The following VMP1 variants were observed in gnomAD, a reference collection of about 807,000 sequenced individuals.
VMP1 encodes the protein ectopic P-granules autophagy protein 3 homolog.
A neutral mutation model predicts 56.0 loss-of-function variants in VMP1; 11 were observed. The ratio of observed to expected loss-of-function variants is 0.20; its 90% CI spans 0.12 to 0.32. The LOEUF is 0.32. VMP1 is among the 10% of genes least tolerant of loss of function. The pLI is 1.00. For missense variants in VMP1, 296 were observed against 490.3 expected (o/e 0.60, Z 3.74); for synonymous variants, 149 against 165.0 (o/e 0.90, Z 0.74).
rs549474361 is a variant in VMP1 at position 59,790,516 on chromosome 17, G to A, written c.714+16631G>A. Among the ~76,000 whole-genome samples, 7 of 152,190 alleles carry A rather than the reference G, an allele frequency of 4.6e-5. No homozygotes were observed. The East Asian group carries it at 7.7e-4, about 17-fold the overall frequency. ...CTGAAGGTATAAAGTTTGGCCAGGC[G>A]TGGTGGCTCATGCCTGTAATTCCAG... On this transcript the variant is annotated intron_variant, in intron 7 of 11. Coordinates refer to ENST00000262291, the MANE Select transcript of VMP1 (RefSeq NM_030938.5).
chr17:59,737,632 G>A, intron 4 of VMP1, 89 bp downstream of exon 4: 1 of 1,145,954 alleles, frequency 8.7e-7, no homozygotes, highest in East Asian at 2.6e-5. Context: ...GGGTTTTATA[G>A]AATTTCTACC....
At chr17:59,825,730 G>A (rs1272382540) in intron 10 of VMP1, among the ~76,000 whole-genome samples, 2 of 152,238 alleles carry the variant, frequency 1.3e-5, no homozygotes, top group Non-Finnish European at 2.9e-5. Flanking sequence ...CTTTTTACCA[G>A]ATACAGAATG....
chr17:59,751,083 C>T (rs917209559), intron 5 of VMP1, among the ~76,000 whole-genome samples: 6 of 151,966 alleles, frequency 3.9e-5, no homozygotes, highest in African/African-American at 1.2e-4. Flanking sequence ...CAGGCGCCCA[C>T]CACCATGCCT....
At chr17:59,774,407 C>G (rs574407203) in intron 7 of VMP1, among the ~76,000 whole-genome samples, 2 of 108,630 alleles carry the variant, frequency 1.8e-5, no homozygotes, top group South Asian at 4.6e-4. Context: ...AACAGGCCCT[C>G]TCTCTAAAAA....
Position 59,735,373 on chromosome 17 carries a change from C to A in VMP1, c.112C>A (p.Arg38=). 1 of 1,613,956 alleles carries A rather than the reference C, an allele frequency of 6.2e-7. No homozygotes were observed. The highest frequency in any genetic ancestry group is 1.1e-5 in the South Asian group (1 of 91,072). Residue 38 remains arginine (R), a synonymous_variant, in exon 3 of 12, where the codon CGG becomes AGG. Transcript: ENST00000262291. ...SSVNEKKRRE[R]EERQNIVLWR... ...AGTGAATGAAAAGAAGAGGAGGGAGCGGGAAGAAAGGCAGAATATTGTCCT... is the reference window on the plus strand; with the variant it reads ...AGTGAATGAAAAGAAGAGGAGGGAGAGGGAAGAAAGGCAGAATATTGTCCT...
chr17:59,737,408 G>T, intron 3 of VMP1, 45 bp from the exon 4 acceptor site: 1 of 1,569,608 alleles, frequency 6.4e-7, no homozygotes, highest in East Asian at 2.3e-5. Context: ...GATGAATGCT[G>T]AAAGTGAGAC....
At chr17:59,793,868 G>A (rs1037256835) in intron 7 of VMP1, among the ~76,000 whole-genome samples, 7 of 151,218 alleles carry the variant, frequency 4.6e-5, no homozygotes, top group African/African-American at 1.2e-4. Flanking sequence ...CTCGTGATCC[G>A]CCTGCCTCGG....
At chr17:59,806,042 A>G (rs533432070) in intron 7 of VMP1, among the ~76,000 whole-genome samples, 1 of 152,298 alleles carries the variant, frequency 6.6e-6, no homozygotes, top group Admixed American at 6.5e-5. Flanking sequence ...TTTCATAACT[A>G]GTTTTTAATT....
At chr17:59,757,278 T>C (rs988875123) in intron 5 of VMP1, among the ~76,000 whole-genome samples, 1 of 151,936 alleles carries the variant, frequency 6.6e-6, no homozygotes, top group African/African-American at 2.4e-5. Context: ...GATAGATAGA[T>C]AGATAGATAG....
At chr17:59,804,038 C>G (rs890923581) in intron 7 of VMP1, among the ~76,000 whole-genome samples, 4 of 151,162 alleles carry the variant, frequency 2.6e-5, no homozygotes, top group Non-Finnish European at 5.9e-5. Flanking sequence ...GAATAAAATT[C>G]TCATTATAAA....
chr17:59,779,031 C>T (rs1374489662), intron 7 of VMP1, among the ~76,000 whole-genome samples: 13 of 152,162 alleles, frequency 8.5e-5, no homozygotes, highest in Non-Finnish European at 1.8e-4. Context: ...GTCTTCTGAG[C>T]ATGTCTAAGG....
At chr17:59,719,120 C>T (rs138807768) in intron 1 of VMP1, among the ~76,000 whole-genome samples, 2,091 of 152,164 alleles carry the variant, frequency 0.014, 23 homozygotes, top group Non-Finnish European at 0.022. Context: ...ATTTTGTTTC[C>T]AAGAGTAGAT....
chr17:59,802,195 G>A (rs1047075978), intron 7 of VMP1, among the ~76,000 whole-genome samples: 3 of 151,862 alleles, frequency 2.0e-5, no homozygotes, highest in Non-Finnish European at 4.4e-5. Context: ...GCGAGACCCT[G>A]TCTCAAAATA....
intron 10 of VMP1, among the ~76,000 whole-genome samples, chr17:59,823,414 G>A (rs1162585776): frequency 1.4e-5 from 2 of 147,174 alleles, no homozygotes; most frequent in Non-Finnish European, 3.0e-5. Flanking sequence ...TCACACCACT[G>A]CACTCCAGCC....
At chr17:59,767,206 T>A (rs1250947286) in intron 6 of VMP1, among the ~76,000 whole-genome samples, 1 of 152,078 alleles carries the variant, frequency 6.6e-6, no homozygotes, top group African/African-American at 2.4e-5. Context: ...TTAAAGATTA[T>A]GGAACAGATC....
chr17:59,795,302 G>A (rs1187091938), intron 7 of VMP1, among the ~76,000 whole-genome samples: 1 of 149,346 alleles, frequency 6.7e-6, no homozygotes, highest in African/African-American at 2.5e-5. Context: ...TAGAGATGGG[G>A]TATGGGGTTT....
intron 4 of VMP1, 115 bp downstream of exon 4, chr17:59,737,658 T>C (rs2035066266): frequency 1.3e-6 from 1 of 779,466 alleles, no homozygotes; most frequent in Non-Finnish European, 2.0e-6. Context: ...CATTATCTCA[T>C]AACTAGTATC....
At chr17:59,748,067 G>T (rs747352388) in intron 5 of VMP1, among the ~76,000 whole-genome samples, 111 of 151,838 alleles carry the variant, frequency 7.3e-4, no homozygotes, top group Non-Finnish European at 1.1e-3. Context: ...GTGGTGGCGG[G>T]CGCCTGTAGT....
chr17:59,742,477 A>C (rs146870413), intron 5 of VMP1, among the ~76,000 whole-genome samples: 71 of 151,668 alleles, frequency 4.7e-4, no homozygotes, highest in African/African-American at 1.5e-3. Flanking sequence ...TGATTGCACC[A>C]CTGCACTTTA....
Sources: gnomAD v4.1 joint callset for allele counts (sites outside exome capture counted in the v4.1 genomes callset) on GRCh38, gnomAD v4.1.1 for gene constraint, MANE v1.5 for transcripts, NCBI Gene and HGNC (gene_info 2026-07-23, HGNC 2026-07-21) for gene names.